The following ITGA8 variants were observed in gnomAD, a reference collection of about 807,000 sequenced individuals.
ITGA8 encodes the protein integrin alpha-8.
ITGA8 carries 91 observed loss-of-function variants against 142.3 expected under a neutral mutation model. The ratio of observed to expected loss-of-function variants is 0.64; its 90% CI spans 0.54 to 0.76. The LOEUF is 0.76. ITGA8 is among the 30% of genes least tolerant of loss of function. The pLI, the probability that ITGA8 is intolerant of heterozygous loss-of-function variation, is 0.00. For synonymous variants in ITGA8, 505 were observed against 485.2 expected (o/e 1.04, Z -0.54); for missense variants, 1,406 against 1,327.7 (o/e 1.06, Z -0.92).
intron 13 of ITGA8, among the ~76,000 whole-genome samples, chr10:15,642,083 G>A (rs1833881941): frequency 1.3e-5 from 2 of 152,072 alleles, no homozygotes; most frequent in South Asian, 2.1e-4. Flanking sequence ...GGCTGAGATC[G>A]TGCCACTGCA....
Position 15,581,101 on chromosome 10 carries a change from C to A in ITGA8, c.2372+5483G>T, listed in dbSNP as rs143847729. Among the ~76,000 whole-genome samples, 1,068 of 152,262 alleles carry A rather than the reference C, an allele frequency of 7.0e-3. 14 individuals are homozygous for A. The highest frequency in any genetic ancestry group is 0.025 in the African/African-American group (1,021 of 41,554). On this transcript the variant is annotated intron_variant, in intron 23 of 29. Coordinates refer to ENST00000378076, the MANE Select transcript of ITGA8 (RefSeq NM_003638.3). ...TGGGGCCTTGAATCACAATGGATAT[C>A]CTAACACTATGATTTAGAGTAGGGG...
chr10:15,652,537 A>T (rs1282952521), intron 11 of ITGA8, among the ~76,000 whole-genome samples: 1 of 150,970 alleles, frequency 6.6e-6, no homozygotes, highest in African/African-American at 2.4e-5. Context: ...ACGGCATGCT[A>T]TGTCTGGCCT....
At chr10:15,520,402 C>T (rs1564333643) in intron 28 of ITGA8, among the ~76,000 whole-genome samples, 1 of 152,108 alleles carries the variant, frequency 6.6e-6, no homozygotes, top group Non-Finnish European at 1.5e-5. Context: ...AACAGGGTGA[C>T]ACTCTTCTTT....
intron 25 of ITGA8, among the ~76,000 whole-genome samples, chr10:15,563,246 G>A (rs1235681494): frequency 6.6e-6 from 1 of 152,162 alleles, no homozygotes; most frequent in African/African-American, 2.4e-5. Flanking sequence ...CCAGTGTTAT[G>A]TATTTCTAGC....
intron 21 of ITGA8, chr10:15,596,608 T>A (rs1313663675): frequency 6.6e-6 from 1 of 152,588 alleles, no homozygotes; most frequent in Non-Finnish European, 1.5e-5. Context: ...CAACGCAACA[T>A]TATAGCATAA....
intron 13 of ITGA8, among the ~76,000 whole-genome samples, chr10:15,621,732 G>A (rs1429963074): frequency 6.6e-6 from 1 of 152,072 alleles, no homozygotes; most frequent in Non-Finnish European, 1.5e-5. Context: ...CAGGCATGGT[G>A]GTATAAAACC....
chr10:15,568,188 A>G (rs1834111767), intron 25 of ITGA8, among the ~76,000 whole-genome samples: 1 of 152,118 alleles, frequency 6.6e-6, no homozygotes, highest in Non-Finnish European at 1.5e-5. Context: ...CTTCCCAAAG[A>G]GTTGGGATCA....
chr10:15,626,456 T>C (rs1381411081), intron 13 of ITGA8, among the ~76,000 whole-genome samples: 1 of 152,134 alleles, frequency 6.6e-6, no homozygotes, highest in East Asian at 1.9e-4. Context: ...CCTGATCTCG[T>C]AATCCTCCCA....
In ITGA8 at chr10:15,517,004, A is replaced by C. The variant is rs992022525; in HGVS notation, c.*154T>G. ...TGGGCACCCAGGACAATTTCTCCAA[A>C]GTGCGGTGTAGATGAGGTGATGTTT... On this transcript the variant is annotated 3_prime_UTR_variant, in exon 30 of 30. Coordinates refer to ENST00000378076, the MANE Select transcript of ITGA8 (RefSeq NM_003638.3). 8 of 496,756 alleles carry C rather than the reference A, an allele frequency of 1.6e-5. No individual in the cohort carries two copies. The highest frequency in any genetic ancestry group is 2.8e-5 in the Non-Finnish European group (8 of 284,266). The allele number at this position is 496,756 out of a possible 1,614,324, so 30.8% of individuals were successfully genotyped here. A position where few individuals can be genotyped will look rare whatever the true frequency, so the allele number is the denominator to read the frequency against.
At chr10:15,549,368 G>C (rs2061626233) in intron 26 of ITGA8, among the ~76,000 whole-genome samples, 1 of 151,794 alleles carries the variant, frequency 6.6e-6, no homozygotes, top group Non-Finnish European at 1.5e-5. Flanking sequence ...CCGCCATCAT[G>C]CCTGGCTAAT....
At chr10:15,613,991 T>C (rs1009725138) in intron 14 of ITGA8, among the ~76,000 whole-genome samples, 4 of 152,086 alleles carry the variant, frequency 2.6e-5, no homozygotes, top group Non-Finnish European at 5.9e-5. Flanking sequence ...CAAATACAAA[T>C]AAAGAGTGCT....
At chr10:15,652,785 A>G (rs1354882691) in intron 11 of ITGA8, among the ~76,000 whole-genome samples, 2 of 152,174 alleles carry the variant, frequency 1.3e-5, no homozygotes, top group African/African-American at 4.8e-5. Flanking sequence ...CTCCACTGCT[A>G]TTGCTCATAC....
At chr10:15,570,559 G>A (rs1443160388) in intron 25 of ITGA8, among the ~76,000 whole-genome samples, 4 of 143,586 alleles carry the variant, frequency 2.8e-5, no homozygotes, top group African/African-American at 7.9e-5. Context: ...GCAGTGAGCC[G>A]AGATGGCGCC....
chr10:15,530,341 T>C (rs1338445481), intron 28 of ITGA8, among the ~76,000 whole-genome samples: 4 of 151,496 alleles, frequency 2.6e-5, no homozygotes, highest in Non-Finnish European at 4.4e-5. Flanking sequence ...AGTTCAGGAG[T>C]TCGAGATCAG....
chr10:15,572,205 T>G lies in ITGA8; in HGVS notation c.2637+6A>C, dbSNP rs759772498. The G allele has an allele frequency of 6.2e-7, 1 of 1,610,274 alleles. No homozygotes were observed. The highest frequency in any genetic ancestry group is 1.3e-5 in the African/African-American group (1 of 74,826). On this transcript the variant is annotated splice_donor_region_variant and intron_variant, in intron 25 of 29. Coordinates refer to ENST00000378076, the MANE Select transcript of ITGA8 (RefSeq NM_003638.3). ...AACAAAGCCACTGATTAGACCAGAC[T>G]CCTACCTTTATATCCTGTGGATTGA...
At chr10:15,672,491 G>C in intron 7 of ITGA8, 133 bp downstream of exon 7, 1 of 1,062,860 alleles carries the variant, frequency 9.4e-7, no homozygotes, top group Non-Finnish European at 1.4e-6. Flanking sequence ...AAGAAAAATT[G>C]AGTCCACTCT....
At chr10:15,600,407 A>T (rs2131604085) in intron 20 of ITGA8, among the ~76,000 whole-genome samples, 1 of 152,340 alleles carries the variant, frequency 6.6e-6, no homozygotes, top group Admixed American at 6.5e-5. Flanking sequence ...GGATGAGTAG[A>T]AAGAATTGAA....
chr10:15,589,764 A>T (rs1449365748), intron 22 of ITGA8, among the ~76,000 whole-genome samples: 3 of 137,612 alleles, frequency 2.2e-5, no homozygotes, highest in Admixed American at 7.4e-5. Context: ...CAAACGCTGT[A>T]TTTTTTTTTT....
At chr10:15,578,874 T>G (rs891289112) in intron 23 of ITGA8, among the ~76,000 whole-genome samples, 1 of 152,152 alleles carries the variant, frequency 6.6e-6, no homozygotes, top group African/African-American at 2.4e-5. Flanking sequence ...ACTGATCCTT[T>G]GTACCACAAA....
Sources: allele counts gnomAD v4.1 joint callset (sites outside exome capture counted in the v4.1 genomes callset), GRCh38; gene constraint gnomAD v4.1.1; transcripts MANE v1.5; gene names NCBI Gene and HGNC (gene_info 2026-07-23, HGNC 2026-07-21).